Variants in PCSK5 observed in about 807,000 individuals in gnomAD.
The protein encoded by PCSK5 is proprotein convertase subtilisin/kexin type 5.
A neutral mutation model predicts 233.2 loss-of-function variants in PCSK5; 129 were observed. The observed-to-expected ratio is 0.55, with a 90% CI of 0.48 to 0.64. PCSK5 has a LOEUF of 0.64. PCSK5 is among the 30% of genes least tolerant of loss of function. The pLI is 0.00. For missense variants in PCSK5, 2,076 were observed against 2,430.1 expected (o/e 0.85, Z 3.06); for synonymous variants, 825 against 879.2 (o/e 0.94, Z 1.09).
intron 24 of PCSK5, among the ~76,000 whole-genome samples, chr9:76,262,174 T>C (rs142964002): frequency 6.6e-6 from 1 of 152,188 alleles, no homozygotes; most frequent in Non-Finnish European, 1.5e-5. Context: ...GTAGGAAGAA[T>C]CAATATCGTG....
intron 27 of PCSK5, among the ~76,000 whole-genome samples, chr9:76,298,175 G>C (rs117340684): frequency 0.014 from 2,157 of 152,212 alleles, 30 homozygotes; most frequent in Non-Finnish European, 0.02. Flanking sequence ...GGAGCCAAGA[G>C]TTAGAGCAGG....
chr9:76,302,344 A>G, intron 28 of PCSK5, 127 bp downstream of exon 28: 1 of 354,126 alleles, frequency 2.8e-6, no homozygotes, highest in East Asian at 8.9e-5. Flanking sequence ...TGCAGAGGTC[A>G]TTAGAAAAAG....
intron 20 of PCSK5, chr9:76,193,427 AG>A (rs1428938380): frequency 1.1e-5 from 11 of 1,039,966 alleles, no homozygotes; most frequent in Admixed American, 3.6e-5. Flanking sequence ...AAAGCCAAAA[AG>A]AAAAAAAAAA....
chr9:76,203,742 T>C (rs1000980102), intron 20 of PCSK5, among the ~76,000 whole-genome samples: 2 of 152,194 alleles, frequency 1.3e-5, no homozygotes, highest in Non-Finnish European at 2.9e-5. Flanking sequence ...TAACTTGTGA[T>C]GGCAGCAGTG....
intron 34 of PCSK5, among the ~76,000 whole-genome samples, chr9:76,336,625 A>G (rs143848337): frequency 1.0e-3 from 155 of 152,344 alleles, no homozygotes; most frequent in African/African-American, 3.5e-3. Flanking sequence ...TTGCTTCTGT[A>G]AAATAAGGAT....
At position 76,354,685 on chromosome 9, in the gene PCSK5, G is replaced by C. The variant is rs1830252178; in HGVS notation, c.5254+466G>C. On this transcript the variant is annotated intron_variant, in intron 37 of 37. Coordinates refer to ENST00000674117, the MANE Select transcript of PCSK5 (RefSeq NM_001372043.1). ...CCAGCTACCAGGAAGGCTGAGGTGA[G>C]AGGATCTCTTGAGCCCAGGAGGCAA... 2.6e-5 allele frequency among the ~76,000 whole-genome samples: 4 copies of C among 152,326 alleles called. No homozygotes were observed. In the South Asian group the frequency reaches 8.3e-4, roughly 32 times the overall value.
At chr9:76,298,828 G>A (rs1828522064) in intron 27 of PCSK5, among the ~76,000 whole-genome samples, 2 of 152,198 alleles carry the variant, frequency 1.3e-5, no homozygotes, top group South Asian at 4.1e-4. Context: ...GGTGGTACCA[G>A]AACGTTTTTC....
intron 7 of PCSK5, among the ~76,000 whole-genome samples, chr9:76,076,500 A>G (rs1337316862): frequency 1.3e-5 from 2 of 152,240 alleles, no homozygotes; most frequent in African/African-American, 2.4e-5. Context: ...AGCAGCATCA[A>G]GACCATCAAA....
At chr9:76,096,689 C>T (rs1188943753) in intron 8 of PCSK5, among the ~76,000 whole-genome samples, 1 of 151,256 alleles carries the variant, frequency 6.6e-6, no homozygotes, top group East Asian at 1.9e-4. Flanking sequence ...GCAACCTCCA[C>T]CTTGCAGATT....
At chr9:75,990,077 T>C in intron 3 of PCSK5, among the ~76,000 whole-genome samples, 1 of 152,162 alleles carries the variant, frequency 6.6e-6, no homozygotes, top group East Asian at 1.9e-4. Context: ...TTCAAATGAG[T>C]CAAAGAAAGG....
chr9:76,170,635 C>T (rs762172639), intron 13 of PCSK5, among the ~76,000 whole-genome samples: 1 of 152,210 alleles, frequency 6.6e-6, no homozygotes, highest in Admixed American at 6.5e-5. Context: ...ATAAAGTCCT[C>T]CTTCTCAGTG....
rs1829728643 is a variant in PCSK5, at chr9:76,338,086, G to A, written c.4749-144G>A. 1.3e-5 allele frequency: 8 copies of A among 627,088 alleles called. No homozygotes were observed. The East Asian group carries it at 2.2e-4, about 17-fold the overall frequency. 38.8% of individuals were successfully genotyped at this position (627,088 alleles called of 1,614,324 possible). The stretch of plus-strand genomic sequence containing the variant: ...ACTGGGAATCATTGGATTCATTAGT[G>A]TTATTAGCAATGAATCTAATGAGTA... On this transcript the variant is annotated intron_variant, in intron 34 of 37. Coordinates refer to ENST00000674117, the MANE Select transcript of PCSK5 (RefSeq NM_001372043.1).
chr9:76,031,723 A>T (rs1361502725), intron 5 of PCSK5, among the ~76,000 whole-genome samples: 1 of 152,208 alleles, frequency 6.6e-6, no homozygotes, highest in Non-Finnish European at 1.5e-5. Context: ...TCTAAAGATT[A>T]TCAATAAAAT....
chr9:76,001,468 C>CT (rs34379742), intron 3 of PCSK5, among the ~76,000 whole-genome samples: 20,922 of 86,740 alleles, frequency 0.24, 3,780 homozygotes, highest in East Asian at 0.54. Flanking sequence ...ACCATCATAG[C>CT]TTTTTTTTTT....
chr9:76,181,925 CAG>C (rs1234042663), intron 16 of PCSK5, among the ~76,000 whole-genome samples: 19 of 152,286 alleles, frequency 1.2e-4, no homozygotes, highest in Admixed American at 1.1e-3. Context: ...TTCAGCCACA[CAG>C]GGCATATTCA....
chr9:76,163,421 T>G (rs1014101572), intron 12 of PCSK5, among the ~76,000 whole-genome samples: 1 of 152,228 alleles, frequency 6.6e-6, no homozygotes, highest in Non-Finnish European at 1.5e-5. Context: ...CTCAGCAGCA[T>G]TCAGAACTCC....
At chr9:76,134,548 C>T (rs1333469366) in intron 10 of PCSK5, among the ~76,000 whole-genome samples, 2 of 151,848 alleles carry the variant, frequency 1.3e-5, no homozygotes, top group Non-Finnish European at 2.9e-5. Flanking sequence ...TTTTAAAATT[C>T]CTCACCTTCT....
At chr9:76,269,568 AAAAG>A (rs537924281) in intron 24 of PCSK5, among the ~76,000 whole-genome samples, 1 of 152,348 alleles carries the variant, frequency 6.6e-6, no homozygotes, top group South Asian at 2.1e-4. Context: ...GGCAGTATAC[AAAAG>A]AAAGAACAAG....
At chr9:76,192,826 T>TTAATA (rs1824472386) in intron 20 of PCSK5, among the ~76,000 whole-genome samples, 1 of 152,206 alleles carries the variant, frequency 6.6e-6, no homozygotes, top group Admixed American at 6.5e-5. Context: ...ATCTTTTCCT[T>TTAATA]TGTGTTACTT....
Sources: gnomAD v4.1 joint callset for allele counts (sites outside exome capture counted in the v4.1 genomes callset) on GRCh38, gnomAD v4.1.1 for gene constraint, MANE v1.5 for transcripts, NCBI Gene and HGNC (gene_info 2026-07-23, HGNC 2026-07-21) for gene names.